The following SH3PXD2B variants were observed in gnomAD, a reference collection of about 807,000 sequenced individuals.
The protein encoded by SH3PXD2B is SH3 and PX domain-containing protein 2B.
SH3PXD2B carries 37 observed loss-of-function variants against 73.1 expected under a neutral mutation model. The observed-to-expected ratio is 0.51, with a 90% CI of 0.39 to 0.67. The LOEUF (loss-of-function observed/expected upper bound fraction) is 0.67. SH3PXD2B is among the 30% of genes least tolerant of loss of function. The probability of loss-of-function intolerance (pLI) is 0.00; values close to 1 mark genes in which losing one functional copy is unlikely to be tolerated. For synonymous variants in SH3PXD2B, 457 were observed against 480.5 expected (o/e 0.95, Z 0.64); for missense variants, 1,053 against 1,197.8 (o/e 0.88, Z 1.78).
chr5:172,392,916 C>T (rs1021694867), intron 4 of SH3PXD2B, among the ~76,000 whole-genome samples: 14 of 152,224 alleles, frequency 9.2e-5, no homozygotes, highest in Admixed American at 7.9e-4. Context: ...AATGTTGTTC[C>T]GCTGATCTAC....
At chr5:172,413,971 C>T (rs1758759186) in intron 2 of SH3PXD2B, among the ~76,000 whole-genome samples, 4 of 152,236 alleles carry the variant, frequency 2.6e-5, no homozygotes, top group Admixed American at 2.0e-4. Flanking sequence ...GCTTCCCGGC[C>T]AGGCAATGCC....
At chr5:172,346,852 C>A (rs10075398) in intron 11 of SH3PXD2B, among the ~76,000 whole-genome samples, 9,385 of 152,090 alleles carry the variant, frequency 0.062, 975 homozygotes, top group African/African-American at 0.21. Flanking sequence ...ACCCCAAAAC[C>A]CAACAACAAC....
intron 5 of SH3PXD2B, among the ~76,000 whole-genome samples, chr5:172,379,375 C>CT (rs1757894286): frequency 6.6e-6 from 1 of 151,858 alleles, no homozygotes; most frequent in Admixed American, 6.6e-5. Context: ...CTCTCTCTCT[C>CT]CCATGTGGGG....
In SH3PXD2B at chr5:172,382,106, AG is replaced by A. The variant is rs753161047; in HGVS notation, c.330del (p.Tyr111ThrfsTer19). The A allele has an allele frequency of 5.6e-6, 9 of 1,609,582 alleles. No individual in the cohort carries two copies. Among genetic ancestry groups the A allele is most frequent in the Non-Finnish European group, 5.1e-6 (6 of 1,178,210 alleles). On this transcript the variant is annotated frameshift_variant, in exon 5 of 13. Transcript: ENST00000311601. LOFTEE classifies it high-confidence loss of function. Reference sequence around the variant, plus strand: ...AGCACCTCATCACACTGAGAGATGTAGGGGGGCAGCTGGATGAGGGCCTGGA... The same window carrying A: ...AGCACCTCATCACACTGAGAGATGTAGGGGGCAGCTGGATGAGGGCCTGGA... ...EYCKALIQLP[P>X]YISQCDEVLQ...
chr5:172,384,636 T>C (rs1758019618), intron 4 of SH3PXD2B, among the ~76,000 whole-genome samples: 1 of 152,220 alleles, frequency 6.6e-6, no homozygotes, highest in Non-Finnish European at 1.5e-5. Context: ...GCTGATGTCA[T>C]TTAGCATGCT....
intron 6 of SH3PXD2B, among the ~76,000 whole-genome samples, chr5:172,368,686 T>TTATATATATATAAAATATATATATTA (rs1554137079): frequency 4.0e-5 from 1 of 24,764 alleles, no homozygotes; most frequent in African/African-American, 2.7e-4. Context: ...AATATATATG[T>TTATATATATATAAAATATATATATTA]TATATATATA....
rs989642256 is a variant in SH3PXD2B, at chr5:172,336,797, G to A, written c.*1572C>T. 1.0e-6 allele frequency: 1 copy of A among 985,556 alleles called. No homozygotes were observed. The highest frequency in any genetic ancestry group is 1.7e-5 in the African/African-American group (1 of 57,230). 61.1% of individuals were successfully genotyped at this position (985,556 alleles called of 1,614,324 possible). On this transcript the variant is annotated 3_prime_UTR_variant, in exon 13 of 13. Transcript: ENST00000311601. The stretch of plus-strand genomic sequence containing the variant: ...CTCTGGGCTGGGAGCTAGAAATGCT[G>A]GGTCCTGATTTTGCTTCTGCAGTGA...
chr5:172,363,356 CA>C (rs1388404677), intron 6 of SH3PXD2B, among the ~76,000 whole-genome samples: 4 of 152,154 alleles, frequency 2.6e-5, no homozygotes, highest in Admixed American at 1.3e-4. Flanking sequence ...AGTGATGTTC[CA>C]GATACTCTAA....
At chr5:172,387,637 A>G (rs77360772) in intron 4 of SH3PXD2B, among the ~76,000 whole-genome samples, 1,539 of 152,310 alleles carry the variant, frequency 0.01, 27 homozygotes, top group African/African-American at 0.035. Flanking sequence ...TCATTCATGC[A>G]AAGAGATGTC....
At chr5:172,351,777 C>CAAA (rs5873319) in intron 9 of SH3PXD2B, among the ~76,000 whole-genome samples, 4 of 140,634 alleles carry the variant, frequency 2.8e-5, no homozygotes, top group African/African-American at 7.9e-5. Flanking sequence ...GGTTTTAATG[C>CAAA]AAAAAAAAAA....
At chr5:172,382,469 G>A (rs1052139420) in intron 4 of SH3PXD2B, among the ~76,000 whole-genome samples, 9 of 151,876 alleles carry the variant, frequency 5.9e-5, no homozygotes, top group African/African-American at 1.9e-4. Flanking sequence ...AGCCCCACCC[G>A]AGTTTCTGAT....
chr5:172,325,444 G>T, intron 12 of SH3PXD2B: 2 of 1,112,572 alleles, frequency 1.8e-6, no homozygotes, highest in Non-Finnish European at 2.6e-6. Flanking sequence ...AGACTAACGT[G>T]GCCTGGGACT....
At chr5:172,362,054 A>G (rs1383820526) in intron 7 of SH3PXD2B, among the ~76,000 whole-genome samples, 1 of 152,220 alleles carries the variant, frequency 6.6e-6, no homozygotes, top group African/African-American at 2.4e-5. Context: ...TAAGGAAGGC[A>G]AACGGGAAGG....
rs1440672001 is a variant in SH3PXD2B, at chr5:172,348,654, C to CTATCCTATCTAT, written c.1013-1323_1013-1322insATAGATAGGATA. On this transcript the variant is annotated intron_variant, in intron 10 of 12. Coordinates refer to ENST00000311601, the MANE Select transcript of SH3PXD2B (RefSeq NM_001017995.3). ...TCTATCTATGTATCTATCTATCTAT[C>CTATCCTATCTAT]CTATCTATCTATCTATCTATCTATC... Among the ~76,000 whole-genome samples the CTATCCTATCTAT allele has an allele frequency of 5.0e-3, 300 of 60,388 alleles. 2 individuals carry two copies. The highest frequency in any genetic ancestry group is 0.018 in the African/African-American group (283 of 15,972). 39.6% of individuals were successfully genotyped at this position (60,388 alleles called of 152,430 possible).
At chr5:172,414,456 TAAAA>T (rs1007937801) in intron 2 of SH3PXD2B, among the ~76,000 whole-genome samples, 2,453 of 77,470 alleles carry the variant, frequency 0.032, 97 homozygotes, top group African/African-American at 0.12. Flanking sequence ...GACTCCATCT[TAAAA>T]AAAAAAAAAA....
Position 172,336,234 on chromosome 5 carries a change from A to T in SH3PXD2B, c.*2135T>A. On this transcript the variant is annotated 3_prime_UTR_variant, in exon 13 of 13. Transcript: ENST00000311601. ...GTTTTGTCTTTTGAAATGCAGTCAA[A>T]TCTCACATAGCTTCACAAAAGTTGT... 3.0e-6 allele frequency: 3 copies of T among 985,514 alleles called. No homozygotes were observed. The highest frequency in any genetic ancestry group is 3.6e-6 in the Non-Finnish European group (3 of 829,962). 61.0% of individuals were successfully genotyped at this position (985,514 alleles called of 1,614,324 possible).
chr5:172,387,573 G>A (rs139615819), intron 4 of SH3PXD2B, among the ~76,000 whole-genome samples: 1 of 152,260 alleles, frequency 6.6e-6, no homozygotes, highest in Admixed American at 6.5e-5. Flanking sequence ...GTCAGACCAC[G>A]GTTAGGATGA....
At chr5:172,430,809 A>G (rs894484863) in intron 1 of SH3PXD2B, among the ~76,000 whole-genome samples, 2 of 152,192 alleles carry the variant, frequency 1.3e-5, no homozygotes, top group Non-Finnish European at 2.9e-5. Flanking sequence ...AAAGGCAGGA[A>G]AGAAAACCAA....
chr5:172,388,935 G>C (rs1165993092), intron 4 of SH3PXD2B, among the ~76,000 whole-genome samples: 1 of 152,248 alleles, frequency 6.6e-6, no homozygotes, highest in Non-Finnish European at 1.5e-5. Flanking sequence ...AGCGCTGATG[G>C]CTGCCCCTTA....
Sources: gnomAD v4.1 joint callset for allele counts (sites outside exome capture counted in the v4.1 genomes callset) on GRCh38, gnomAD v4.1.1 for gene constraint, MANE v1.5 for transcripts, NCBI Gene and HGNC (gene_info 2026-07-23, HGNC 2026-07-21) for gene names.